SLC38A8: variants seen among roughly 807,000 people sequenced by gnomAD.
The protein encoded by SLC38A8 is amino acid transporter SLC38A8.
Under a neutral mutation model 46.0 loss-of-function variants are expected in SLC38A8, and 65 were observed. The observed-to-expected ratio is 1.41, with a 90% CI of 1.16 to 1.74. The LOEUF (loss-of-function observed/expected upper bound fraction) is 1.74. SLC38A8 is among the 40% of genes most tolerant of loss of function. The pLI is 0.00. For synonymous variants in SLC38A8, 447 were observed against 243.7 expected, an observed-to-expected ratio of 1.83 and a Z score of -7.77; for missense variants, 998 against 567.9, an observed-to-expected ratio of 1.76 and a Z score of -7.70.
chr16:84,034,998 C>T (rs1258423882), intron 3 of SLC38A8, among the ~76,000 whole-genome samples: 1 of 152,144 alleles, frequency 6.6e-6, no homozygotes, highest in Non-Finnish European at 1.5e-5. Flanking sequence ...TCTAGCACTC[C>T]GTCTCAGAAG....
chr16:84,012,877 G>T (rs1490957165), intron 10 of SLC38A8, 124 bp downstream of exon 10: 4 of 1,066,044 alleles, frequency 3.8e-6, no homozygotes, highest in Non-Finnish European at 5.5e-6. Flanking sequence ...CTCTTCCTGT[G>T]GCTCGCAGGT....
chr16:84,042,006 T>C lies in SLC38A8; in HGVS notation c.152A>G (p.Lys51Arg). 1.2e-6 allele frequency: 2 copies of C among 1,611,476 alleles called. No individual in the cohort carries two copies. Among genetic ancestry groups the C allele is most frequent in the African/African-American group, 1.3e-5 (1 of 74,950 alleles). Residue 51 changes from lysine to arginine, a missense_variant, in exon 2 of 11, where the codon AAA becomes AGA. Transcript: ENST00000299709. ...GAAGGCAGGGACCACTCCGCCCGCTTTGGAGAAGGCCCAGGGGAAGTTGAG... is the reference window on the plus strand; with the variant it reads ...GAAGGCAGGGACCACTCCGCCCGCTCTGGAGAAGGCCCAGGGGAAGTTGAG... ...GLLNFPWAFSKAGGVVPAFLV... is the reference protein window; with the variant it reads ...GLLNFPWAFSRAGGVVPAFLV...
intron 9 of SLC38A8, among the ~76,000 whole-genome samples, 182 bp downstream of exon 9, chr16:84,016,337 G>C (rs1201600195): frequency 6.6e-6 from 1 of 152,202 alleles, no homozygotes; most frequent in Non-Finnish European, 1.5e-5. Context: ...TAATGAGTGA[G>C]GGAAGGTATG....
intron 6 of SLC38A8, among the ~76,000 whole-genome samples, chr16:84,023,825 C>T (rs974157435): frequency 2.2e-4 from 33 of 152,128 alleles, no homozygotes; most frequent in African/African-American, 7.2e-4. Flanking sequence ...ATTCGGGAGG[C>T]GGAGGTTGCA....
At chr16:84,027,829 C>A (rs2085183417) in intron 6 of SLC38A8, among the ~76,000 whole-genome samples, 1 of 152,162 alleles carries the variant, frequency 6.6e-6, no homozygotes, top group South Asian at 2.1e-4. Context: ...GGGAGGCGGC[C>A]CCGGCGTAGG....
chr16:84,021,629 G>A (rs542616323), intron 7 of SLC38A8, among the ~76,000 whole-genome samples: 3 of 152,178 alleles, frequency 2.0e-5, no homozygotes, highest in South Asian at 2.1e-4. Context: ...CTGCTCCTCC[G>A]AATTCTTCCA....
chr16:84,016,888 T>C (rs2085033430), intron 8 of SLC38A8, 161 bp from the exon 9 acceptor site: 3 of 1,015,912 alleles, frequency 3.0e-6, no homozygotes, highest in Non-Finnish European at 4.2e-6. Context: ...CCCTCAGGGG[T>C]TCTGCCACCA....
intron 3 of SLC38A8, 148 bp from the exon 4 acceptor site, chr16:84,033,617 G>T: frequency 1.2e-6 from 1 of 840,540 alleles, no homozygotes; most frequent in Non-Finnish European, 1.8e-6. Flanking sequence ...GTGAGATGGA[G>T]ACAGGTCACG....
At chr16:84,024,222 G>A (rs2085133339) in intron 6 of SLC38A8, among the ~76,000 whole-genome samples, 1 of 152,162 alleles carries the variant, frequency 6.6e-6, no homozygotes, top group South Asian at 2.1e-4. Context: ...TGGTGGTTTG[G>A]GTAGGGTGGG....
At chr16:84,031,295 C>G (rs573845261) in intron 5 of SLC38A8, among the ~76,000 whole-genome samples, 1 of 152,202 alleles carries the variant, frequency 6.6e-6, no homozygotes. Context: ...CCTGCCTCAG[C>G]CTCCCAAAGT....
chr16:84,034,261 CTCATTTGCCA>C (rs1368402297), intron 3 of SLC38A8, among the ~76,000 whole-genome samples: 2 of 152,256 alleles, frequency 1.3e-5, no homozygotes, highest in African/African-American at 4.8e-5. Flanking sequence ...TGGGCAGTGT[CTCATTTGCCA>C]CACATTGCTG....
intron 9 of SLC38A8, among the ~76,000 whole-genome samples, chr16:84,013,981 T>A (rs1243646542): frequency 6.8e-6 from 1 of 146,978 alleles, no homozygotes; most frequent in Non-Finnish European, 1.5e-5. Context: ...AGAGCCTGAG[T>A]GAGGAGCCGT....
rs568202418 is a variant in SLC38A8 at position 84,012,638 on chromosome 16, G to A, written c.1214+363C>T. On this transcript the variant is annotated intron_variant, in intron 10 of 10. Transcript: ENST00000299709. ...ACTGCTGTGATGATGGTGTCTGGCC[G>A]GCCATGGGGCCTTTCTAACCCAGCC... is the stretch of plus-strand genomic sequence containing the variant. 2.6e-5 allele frequency among the ~76,000 whole-genome samples: 4 copies of A among 152,302 alleles called. No individual in the cohort carries two copies. In the East Asian group the frequency reaches 5.8e-4, roughly 22 times the overall value.
At chr16:84,009,913 G>A (rs752097231) in intron 10 of SLC38A8, 36 bp from the exon 11 acceptor site, 4 of 1,591,354 alleles carry the variant, frequency 2.5e-6, no homozygotes, top group African/African-American at 1.3e-5. Context: ...GAGCTTTTCT[G>A]GATTTTTGCA....
chr16:84,016,630 T>A lies in SLC38A8; in HGVS notation c.1051A>T (p.Thr351Ser). ...AGCGTCACGGTGACCCACAGGATGG[T>A]CAGCGGCATCCGGACCCACAGCCCT... is the stretch of plus-strand genomic sequence containing the variant. ...PSGLWVRMPLTILWVTVTLAM... is the reference protein window; with the variant it reads ...PSGLWVRMPLSILWVTVTLAM... Residue 351 changes from threonine (T) to serine (S), a missense_variant, in exon 9 of 11, where the codon ACC becomes TCC. Thr to Ser is a moderately conservative substitution (Grantham distance 58). Coordinates refer to ENST00000299709, the MANE Select transcript of SLC38A8 (RefSeq NM_001080442.3). 1.9e-6 allele frequency: 3 copies of A among 1,613,870 alleles called. No individual in the cohort carries two copies. The highest frequency in any genetic ancestry group is 2.5e-6 in the Non-Finnish European group (3 of 1,180,026).
intron 7 of SLC38A8, among the ~76,000 whole-genome samples, chr16:84,019,864 A>G (rs1326985616): frequency 6.6e-6 from 1 of 152,264 alleles, no homozygotes; most frequent in South Asian, 2.1e-4. Context: ...CAGACACTCA[A>G]GCGTCAAGCT....
rs201299612 is a variant in SLC38A8, at chr16:84,033,375, G to C, written c.483C>G (p.Ile161Met). ...TCTCCCGCGGGGCAGACAGGGGCAG[G>C]ATGACCAGCACGGAGAGCAGGGGCA... is the stretch of plus-strand genomic sequence containing the variant. ...FTLPLLSVLV[I>M]LPLSAPREIA... The change falls in exon 4 of 11, where the codon ATC becomes ATG. Residue 161 changes from isoleucine to methionine, a missense_variant. Transcript: ENST00000299709. 1.7e-5 allele frequency: 27 copies of C among 1,614,066 alleles called. No homozygotes were observed. The Admixed American group carries it at 4.3e-4, about 26-fold the overall frequency.
chr16:84,043,027 C>G (rs546611270), upstream of SLC38A8, among the ~76,000 whole-genome samples: 11 of 152,238 alleles, frequency 7.2e-5, no homozygotes, highest in East Asian at 2.1e-3. Flanking sequence ...ACGGAGGGGG[C>G]GTGAAAAGTG....
chr16:84,014,091 G>A (rs2084993520), intron 9 of SLC38A8, among the ~76,000 whole-genome samples: 1 of 151,832 alleles, frequency 6.6e-6, no homozygotes, highest in African/African-American at 2.4e-5. Flanking sequence ...AGCTGAGGGA[G>A]GAGATGCATG....
Sources: gnomAD v4.1 joint callset for allele counts (sites outside exome capture counted in the v4.1 genomes callset) on GRCh38, gnomAD v4.1.1 for gene constraint, MANE v1.5 for transcripts, NCBI Gene and HGNC (gene_info 2026-07-23, HGNC 2026-07-21) for gene names.